PBRM1: variants seen among roughly 807,000 people sequenced by gnomAD.
The protein encoded by PBRM1 is protein polybromo-1.
Under a neutral mutation model 194.5 loss-of-function variants are expected in PBRM1, and 27 were observed. The ratio of observed to expected loss-of-function variants is 0.14; its 90% CI spans 0.10 to 0.19. The LOEUF is 0.19. PBRM1 is among the 10% of genes least tolerant of loss of function. The probability of loss-of-function intolerance (pLI) is 1.00; values close to 1 mark genes in which losing one functional copy is unlikely to be tolerated. For synonymous variants in PBRM1, 655 were observed against 693.2 expected (o/e 0.94, Z 0.87); for missense variants, 1,466 against 2,077.2 (o/e 0.71, Z 5.72).
chr3:52,616,229 A>C (rs1328238310), intron 14 of PBRM1, among the ~76,000 whole-genome samples: 3 of 152,242 alleles, frequency 2.0e-5, no homozygotes, highest in Admixed American at 6.5e-5. Flanking sequence ...ATCTATAAGC[A>C]TCCTCAATGC....
intron 3 of PBRM1, among the ~76,000 whole-genome samples, chr3:52,663,624 A>G (rs761332852): frequency 6.6e-6 from 1 of 152,260 alleles, no homozygotes. Context: ...CATGAGGCAC[A>G]TAAGAATCAA....
At chr3:52,576,746 A>C in intron 21 of PBRM1, 48 bp from the exon 24 acceptor site, 1 of 1,452,972 alleles carries the variant, frequency 6.9e-7, no homozygotes, top group Non-Finnish European at 9.4e-7. Flanking sequence ...TTCCTTCTTG[A>C]AGGATTAATC....
intron 16 of PBRM1, chr3:52,608,967 A>G (rs2094483946): frequency 4.6e-6 from 1 of 217,452 alleles, no homozygotes; most frequent in Non-Finnish European, 9.2e-6. Flanking sequence ...CACTGAAGCC[A>G]AACCTTAAAA....
At chr3:52,596,620 G>A (rs2153225006) in intron 17 of PBRM1, among the ~76,000 whole-genome samples, 1 of 152,148 alleles carries the variant, frequency 6.6e-6, no homozygotes. Context: ...TGGCTCAGGG[G>A]CATGTCTAGA....
At position 52,625,023 on chromosome 3, in the gene PBRM1, T is replaced by C. The variant is rs1447291214; in HGVS notation, c.1541+2250A>G. The C allele has an allele frequency of 4.3e-6, 4 of 934,058 alleles. No individual in the cohort carries two copies. In the Admixed American group the frequency reaches 6.1e-5, roughly 14 times the overall value. The allele number at this position is 934,058 out of a possible 1,614,324, so 57.9% of individuals were successfully genotyped here. On this transcript the variant is annotated intron_variant, in intron 13 of 29. Coordinates refer to ENST00000296302, the Ensembl canonical transcript of PBRM1. The stretch of plus-strand genomic sequence containing the variant: ...AGGGTCATGTACAAACCATGTATGG[T>C]TGAAGAAAAAGATTATTCAGTCCAA...
chr3:52,617,767 A>G (rs1331704942), intron 13 of PBRM1, among the ~76,000 whole-genome samples: 1 of 152,176 alleles, frequency 6.6e-6, no homozygotes, highest in Non-Finnish European at 1.5e-5. Flanking sequence ...GTTAATGAAC[A>G]CCAAAAAAAC....
At chr3:52,668,792 A>AG in intron 2 of PBRM1, 147 bp from the exon 4 acceptor site, 1 of 433,220 alleles carries the variant, frequency 2.3e-6, no homozygotes, top group Non-Finnish European at 3.9e-6. Context: ...TTAAAAAAAA[A>AG]AAAAAAAGAA....
At chr3:52,595,017 TTG>T (rs895778582) in intron 17 of PBRM1, among the ~76,000 whole-genome samples, 34 of 152,142 alleles carry the variant, frequency 2.2e-4, no homozygotes, top group African/African-American at 7.7e-4. Flanking sequence ...AATCTAGTGA[TTG>T]TGTGTCTTGG....
chr3:52,670,383 A>G (rs2096922069), intron 2 of PBRM1, among the ~76,000 whole-genome samples: 1 of 152,240 alleles, frequency 6.6e-6, no homozygotes, highest in South Asian at 2.1e-4. Context: ...AGTAAGAATC[A>G]TCCTTATAAT....
intron 17 of PBRM1, among the ~76,000 whole-genome samples, chr3:52,594,851 A>G (rs2093412553): frequency 1.3e-5 from 2 of 152,184 alleles, no homozygotes; most frequent in Non-Finnish European, 2.9e-5. Flanking sequence ...CCGGACAGAA[A>G]TTACTGGTTG....
At chr3:52,634,341 G>A (rs780237004) in intron 11 of PBRM1, among the ~76,000 whole-genome samples, 2 of 150,428 alleles carry the variant, frequency 1.3e-5, no homozygotes, top group African/African-American at 4.9e-5. Flanking sequence ...GGAGGCTGAG[G>A]CAAGAGAATC....
intron 3 of PBRM1, among the ~76,000 whole-genome samples, chr3:52,662,537 A>G (rs999418785): frequency 2.6e-5 from 4 of 152,204 alleles, no homozygotes; most frequent in Non-Finnish European, 5.9e-5. Context: ...CTAAATTAAA[A>G]GTAATTATGA....
chr3:52,607,350 G>T (rs1015349478), intron 16 of PBRM1, among the ~76,000 whole-genome samples: 3 of 152,174 alleles, frequency 2.0e-5, no homozygotes, highest in Admixed American at 2.0e-4. Flanking sequence ...GGGCATGAGG[G>T]TAAAACTGTG....
upstream of PBRM1, among the ~76,000 whole-genome samples, chr3:52,684,631 A>C (rs2097279696): frequency 6.6e-6 from 1 of 152,212 alleles, no homozygotes; most frequent in South Asian, 2.1e-4. Context: ...ATTATTCTAC[A>C]GCCTGTGTTT....
intron 3 of PBRM1, among the ~76,000 whole-genome samples, chr3:52,663,897 A>C (rs964685240): frequency 6.6e-6 from 1 of 152,058 alleles, no homozygotes; most frequent in Non-Finnish European, 1.5e-5. Flanking sequence ...ATCTCTACTG[A>C]AAATACAAAA....
At chr3:52,562,006 T>G in intron 24 of PBRM1, 38 bp from the exon 27 acceptor site, 1 of 1,528,106 alleles carries the variant, frequency 6.5e-7, no homozygotes, top group Non-Finnish European at 9.1e-7. Flanking sequence ...ATCAAAACAT[T>G]ACATTTGGTT....
intron 18 of PBRM1, among the ~76,000 whole-genome samples, chr3:52,588,326 GA>G (rs2092654971): frequency 6.6e-6 from 1 of 152,118 alleles, no homozygotes; most frequent in Non-Finnish European, 1.5e-5. Flanking sequence ...AACTGTTCTA[GA>G]AAGCCTTTTT....
chr3:52,651,661 C>T, intron 6 of PBRM1, 81 bp downstream of exon 7: 1 of 713,346 alleles, frequency 1.4e-6, no homozygotes, highest in Non-Finnish European at 2.3e-6. Flanking sequence ...ACTAGCTTCT[C>T]TGTTTTCTAA....
chr3:52,629,120 C>A, intron 11 of PBRM1, 85 bp from the exon 13 acceptor site: 2 of 1,016,462 alleles, frequency 2.0e-6, no homozygotes, highest in South Asian at 1.5e-5. Flanking sequence ...AAAATCTTGA[C>A]AAGCACTACA....
Sources: gnomAD v4.1 joint callset for allele counts (sites outside exome capture counted in the v4.1 genomes callset) on GRCh38, gnomAD v4.1.1 for gene constraint, MANE v1.5 for transcripts, NCBI Gene and HGNC (gene_info 2026-07-23, HGNC 2026-07-21) for gene names.